CPA6: variants seen among roughly 807,000 people sequenced by gnomAD.
CPA6 encodes carboxypeptidase A6, also known as carboxypeptidase B.
Under a neutral mutation model 63.3 loss-of-function variants are expected in CPA6, and 58 were observed. The observed-to-expected ratio is 0.92, with a 90% confidence interval of 0.74 to 1.14. CPA6 has a LOEUF of 1.14. Among genes scored for constraint, CPA6 ranks in the 50% most tolerant of loss-of-function variants. CPA6 has a pLI of 0.00. For missense variants in CPA6, 565 were observed against 526.6 expected, an observed-to-expected ratio of 1.07 and a Z score of -0.71; for synonymous variants, 185 against 179.0, an observed-to-expected ratio of 1.03 and a Z score of -0.27.
intron 2 of CPA6, among the ~76,000 whole-genome samples, chr8:67,564,668 C>A (rs913713270): frequency 2.0e-5 from 3 of 152,088 alleles, no homozygotes; most frequent in Non-Finnish European, 2.9e-5. Context: ...ATGTTTCCAG[C>A]CACTATTTCT....
intron 2 of CPA6, among the ~76,000 whole-genome samples, chr8:67,613,546 G>T (rs1239179336): frequency 1.3e-5 from 2 of 152,210 alleles, no homozygotes; most frequent in Non-Finnish European, 2.9e-5. Context: ...CCAGCTGCAG[G>T]TTAGTACAAA....
chr8:67,434,852 AG>A lies in CPA6; in HGVS notation c.839-613del, dbSNP rs1359671237. ...AAGGAGCCTCAGCCAACCAGGAAAA[AG>A]GCTAAATCCACCCTTACCCCTCCTG... On this transcript the variant is annotated intron_variant, in intron 8 of 10. Coordinates refer to ENST00000297770, the MANE Select transcript of CPA6 (RefSeq NM_020361.5). 2.0e-5 allele frequency among the ~76,000 whole-genome samples: 3 copies of A among 152,340 alleles called. No individual in the cohort carries two copies. The South Asian group carries it at 6.2e-4, about 32-fold the overall frequency.
At chr8:67,665,847 C>G (rs1380789371) in intron 1 of CPA6, among the ~76,000 whole-genome samples, 3 of 152,222 alleles carry the variant, frequency 2.0e-5, no homozygotes. Context: ...GTTTCCTCAT[C>G]TGTAAAATGG....
At chr8:67,733,196 C>G (rs1455898837) in intron 1 of CPA6, among the ~76,000 whole-genome samples, 1 of 14,896 alleles carries the variant, frequency 6.7e-5, no homozygotes, top group African/African-American at 2.1e-4. Context: ...GACTCCATCT[C>G]AAAAAAAAAA....
At chr8:67,446,752 G>A (rs1587434408) in intron 8 of CPA6, among the ~76,000 whole-genome samples, 1 of 152,084 alleles carries the variant, frequency 6.6e-6, no homozygotes, top group East Asian at 1.9e-4. Flanking sequence ...CTCATAAATG[G>A]AATCACAATG....
At chr8:67,739,885 G>A (rs879784207) in intron 1 of CPA6, among the ~76,000 whole-genome samples, 3 of 152,202 alleles carry the variant, frequency 2.0e-5, no homozygotes, top group Admixed American at 1.3e-4. Context: ...GATCAGTTAG[G>A]AGAGAACTAC....
intron 1 of CPA6, among the ~76,000 whole-genome samples, chr8:67,739,128 A>G (rs6997287): frequency 0.13 from 19,342 of 152,136 alleles, 1,933 homozygotes; most frequent in African/African-American, 0.28. Context: ...GCCCAGAAGT[A>G]TTTGAAACAA....
At chr8:67,722,681 A>G (rs1817524055) in intron 1 of CPA6, among the ~76,000 whole-genome samples, 1 of 152,110 alleles carries the variant, frequency 6.6e-6, no homozygotes, top group Non-Finnish European at 1.5e-5. Context: ...CTTTTGCCCT[A>G]TGATACCCTT....
intron 1 of CPA6, among the ~76,000 whole-genome samples, chr8:67,733,846 CTTTT>C (rs10696053): frequency 1.9e-4 from 18 of 94,932 alleles, no homozygotes; most frequent in East Asian, 3.7e-4. Context: ...GCTGCATCGT[CTTTT>C]TTTTTTTTTT....
At chr8:67,690,611 A>G (rs182780274) in intron 1 of CPA6, among the ~76,000 whole-genome samples, 5 of 152,354 alleles carry the variant, frequency 3.3e-5, no homozygotes, top group Admixed American at 3.3e-4. Context: ...GAAAAGCAAT[A>G]TAAACAGCTA....
intron 1 of CPA6, among the ~76,000 whole-genome samples, chr8:67,724,931 T>C (rs1817569701): frequency 6.6e-6 from 1 of 152,222 alleles, no homozygotes; most frequent in Non-Finnish European, 1.5e-5. Flanking sequence ...GGTTATCAGT[T>C]CCTTCTGAGT....
chr8:67,637,637 G>A (rs1331199466), intron 1 of CPA6, among the ~76,000 whole-genome samples: 1 of 151,344 alleles, frequency 6.6e-6, no homozygotes, highest in Non-Finnish European at 1.5e-5. Flanking sequence ...AAGCATAGGG[G>A]AAAATTTTTC....
intron 8 of CPA6, among the ~76,000 whole-genome samples, chr8:67,434,554 C>A (rs1038097226): frequency 6.6e-6 from 1 of 152,202 alleles, no homozygotes. Context: ...AATAGTACAG[C>A]AAGTGTTCAA....
intron 1 of CPA6, among the ~76,000 whole-genome samples, chr8:67,651,400 C>G (rs1329510723): frequency 6.6e-6 from 1 of 152,150 alleles, no homozygotes; most frequent in African/African-American, 2.4e-5. Flanking sequence ...GAAACCTCGG[C>G]CTCTATACTG....
chr8:67,551,790 A>G (rs1452041504), intron 2 of CPA6, among the ~76,000 whole-genome samples: 1 of 152,102 alleles, frequency 6.6e-6, no homozygotes, highest in Non-Finnish European at 1.5e-5. Context: ...TGGCTATTGG[A>G]AATGGGATTG....
intron 2 of CPA6, among the ~76,000 whole-genome samples, chr8:67,544,807 CAAGCAGAGCTTACTGCGACTCCCCCT>C (rs1812778879): frequency 6.6e-6 from 1 of 152,176 alleles, no homozygotes; most frequent in East Asian, 1.9e-4. Context: ...CACCAGGATG[CAAGCAGAGCTTACTGCGACTCCCCCT>C]TCTTACCCAC....
rs1037423863 is a variant in CPA6, at chr8:67,623,810, A to G, written c.192+366T>C. 2.6e-5 allele frequency among the ~76,000 whole-genome samples: 4 copies of G among 151,992 alleles called. 1 individual carries two copies. Among genetic ancestry groups the G allele is most frequent in the Admixed American group, 2.6e-4 (4 of 15,278 alleles). The stretch of plus-strand genomic sequence containing the variant: ...CACGGTGGCTCATGCCTGTAATGCC[A>G]GCACTTTGAGAGGCTGAGGTGGGTG... On this transcript the variant is annotated intron_variant, in intron 2 of 10. Transcript: ENST00000297770.
Position 67,422,466 on chromosome 8 carries a change from C to T in CPA6, c.*38G>A. Reference sequence around the variant, plus strand: ...TATCCAGGGCCAAGTAGGCCTTGCTCAGAATCCTATGGCAGTTGACCTGAG... The same window carrying T: ...TATCCAGGGCCAAGTAGGCCTTGCTTAGAATCCTATGGCAGTTGACCTGAG... On this transcript the variant is annotated 3_prime_UTR_variant, in exon 11 of 11. Transcript: ENST00000297770. The T allele has an allele frequency of 6.3e-6, 10 of 1,579,200 alleles. No individual in the cohort carries two copies. The highest frequency in any genetic ancestry group is 8.7e-6 in the Non-Finnish European group (10 of 1,155,402).
intron 6 of CPA6, among the ~76,000 whole-genome samples, chr8:67,505,775 C>G (rs1205337988): frequency 6.6e-6 from 1 of 152,128 alleles, no homozygotes; most frequent in Non-Finnish European, 1.5e-5. Context: ...ACATTCTTGA[C>G]ATTTGTGAGC....
Sources: allele counts gnomAD v4.1 joint callset (sites outside exome capture counted in the v4.1 genomes callset), GRCh38; gene constraint gnomAD v4.1.1; transcripts MANE v1.5; gene names NCBI Gene and HGNC (gene_info 2026-07-23, HGNC 2026-07-21).